The following CA4 variants were observed in gnomAD, a reference collection of about 807,000 sequenced individuals.
CA4 encodes carbonic anhydrase 4, also known as CA-IV.
A neutral mutation model predicts 34.5 loss-of-function variants in CA4; 24 were observed. The observed-to-expected ratio is 0.70, with a 90% CI of 0.50 to 0.98. The LOEUF is 0.98. Among genes scored for constraint, CA4 ranks in the 50% least tolerant of loss-of-function variants. The probability of loss-of-function intolerance (pLI) is 0.00; values close to 1 mark genes in which losing one functional copy is unlikely to be tolerated. For synonymous variants in CA4, 178 were observed against 170.6 expected (o/e 1.04, Z -0.34); for missense variants, 394 against 396.7 (o/e 0.99, Z 0.06).
At chr17:60,178,486 A>C in the CA4 span, among the ~76,000 whole-genome samples, 1 of 152,190 alleles carries the variant, frequency 6.6e-6, no homozygotes, top group African/African-American at 2.4e-5. Context: ...TCCTAAATGT[A>C]AGATGCCTCC....
intron 7 of CA4, chr17:60,158,819 A>T: frequency 2.4e-6 from 1 of 410,592 alleles, no homozygotes; most frequent in South Asian, 2.4e-5. Context: ...CAACATCATC[A>T]CTGGGGGAAT....
At chr17:60,176,305 T>C in the CA4 span, among the ~76,000 whole-genome samples, 1 of 152,188 alleles carries the variant, frequency 6.6e-6, no homozygotes. Context: ...TGCCAGGCAT[T>C]TGTGTCCTTC....
intron 2 of CA4, among the ~76,000 whole-genome samples, chr17:60,155,725 G>T (rs562067083): frequency 6.6e-6 from 1 of 152,020 alleles, no homozygotes; most frequent in Non-Finnish European, 1.5e-5. Context: ...GGTGCTCAGG[G>T]ACCAGGGAGC....
rs748580097 is a variant in CA4, at chr17:60,159,325, G to A, written c.840G>A (p.Thr280=). The A allele has an allele frequency of 1.2e-5, 20 of 1,609,476 alleles. No individual in the cohort carries two copies. Among genetic ancestry groups the A allele is most frequent in the African/African-American group, 4.0e-5 (3 of 74,812 alleles). The part of the protein sequence containing the change: ...VRPLQQLGQR[T]VIKSGAPGRP... Reference sequence around the variant, plus strand: ...CCCTGCAGCAGCTGGGGCAGCGCACGGTGATAAAGTCCGGGGCCCCGGGTC... The same window carrying A: ...CCCTGCAGCAGCTGGGGCAGCGCACAGTGATAAAGTCCGGGGCCCCGGGTC... The change falls in exon 8 of 8, where the codon ACG becomes ACA. Residue 280 remains threonine (T), a synonymous_variant. Coordinates refer to ENST00000300900, the MANE Select transcript of CA4 (RefSeq NM_000717.5).
chr17:60,167,341 C>T (rs1233346029), intron 5 of CA4, among the ~76,000 whole-genome samples: 3 of 152,224 alleles, frequency 2.0e-5, no homozygotes, highest in Non-Finnish European at 2.9e-5. Context: ...CTTGCTTCCT[C>T]TTGTGAAGTC....
intron 1 of CA4, among the ~76,000 whole-genome samples, chr17:60,150,319 G>T (rs564396977): frequency 6.6e-6 from 1 of 152,338 alleles, no homozygotes; most frequent in South Asian, 2.1e-4. Context: ...GTGTGCACGG[G>T]TGTGCGCGGT....
At chr17:60,164,281 C>G (rs2083831340), downstream of CA4, among the ~76,000 whole-genome samples, 1 of 148,168 alleles carries the variant, frequency 6.7e-6, no homozygotes, top group Admixed American at 6.8e-5. Context: ...CCCTCCCTCC[C>G]TCCTTTCTTT....
At chr17:60,157,660 G>A in intron 4 of CA4, 30 bp from the exon 5 acceptor site, 1 of 1,612,020 alleles carries the variant, frequency 6.2e-7, no homozygotes, top group Non-Finnish European at 8.5e-7. Context: ...CCCTTCATAG[G>A]TCCCCTTTTC....
intron 5 of CA4, among the ~76,000 whole-genome samples, chr17:60,166,064 G>A (rs1459794780): frequency 6.6e-6 from 1 of 152,072 alleles, no homozygotes; most frequent in African/African-American, 2.4e-5. Context: ...TCCTCCTCCC[G>A]GTCACCTCCC....
At chr17:60,156,736 A>T (rs1365023754) in intron 3 of CA4, 21 bp downstream of exon 3, 7 of 1,611,288 alleles carry the variant, frequency 4.3e-6, no homozygotes, top group Non-Finnish European at 5.9e-6. Flanking sequence ...TGGAGGCCCC[A>T]GGCAGGCCTG....
At chr17:60,155,535 TCTCTCACA>T (rs1289152057) in intron 2 of CA4, among the ~76,000 whole-genome samples, 168 bp downstream of exon 2, 1 of 129,536 alleles carries the variant, frequency 7.7e-6, no homozygotes, top group African/African-American at 4.4e-5. Flanking sequence ...TCTCTCTCTC[TCTCTCACA>T]CACACACACA....
At chr17:60,157,952 C>A (rs1384493662) in intron 5 of CA4, 109 bp from the exon 6 acceptor site, 1 of 1,559,980 alleles carries the variant, frequency 6.4e-7, no homozygotes, top group African/African-American at 1.4e-5. Context: ...GAGCCCAGAG[C>A]CTCAATCCCA....
intron 1 of CA4, among the ~76,000 whole-genome samples, chr17:60,153,614 C>A (rs567128570): frequency 3.9e-5 from 6 of 152,216 alleles, no homozygotes; most frequent in African/African-American, 7.2e-5. Context: ...GGGTCTGGAT[C>A]GGGACCCCTT....
chr17:60,161,016 G>T (rs2083782620), downstream of CA4, among the ~76,000 whole-genome samples: 2 of 151,956 alleles, frequency 1.3e-5, no homozygotes, highest in African/African-American at 4.8e-5. Context: ...AGAACGCAGG[G>T]ACAGTTCAGG....
intron 5 of CA4, among the ~76,000 whole-genome samples, chr17:60,165,810 T>C (rs1180834498): frequency 2.6e-5 from 4 of 151,966 alleles, no homozygotes; most frequent in African/African-American, 7.2e-5. Flanking sequence ...TACATCTGAA[T>C]GTCAGATAAA....
intron 7 of CA4, chr17:60,159,002 G>A (rs2083747174): frequency 1.7e-6 from 1 of 596,312 alleles, no homozygotes; most frequent in Admixed American, 2.9e-5. Flanking sequence ...GGGCCCCCTG[G>A]GGTGTGAGTG....
At position 60,157,415 on chromosome 17, in the gene CA4, C is replaced by CT. The variant is rs1567730679; in HGVS notation, c.269-11dup. Reference sequence around the variant, plus strand: ...GGCTGGTTCGAGGACTCTGCCCCTTCTGTGCTCCCAGTGATGATGTTGCTG... The same window carrying CT: ...GGCTGGTTCGAGGACTCTGCCCCTTCTTGTGCTCCCAGTGATGATGTTGCTG... On this transcript the variant is annotated splice_polypyrimidine_tract_variant and intron_variant, in intron 3 of 7. Coordinates refer to ENST00000300900, the MANE Select transcript of CA4 (RefSeq NM_000717.5). 6.2e-7 allele frequency: 1 copy of CT among 1,614,170 alleles called. No individual in the cohort carries two copies. Among genetic ancestry groups the CT allele is most frequent in the African/African-American group, 1.3e-5 (1 of 75,066 alleles).
chr17:60,173,162 A>C (rs1371489848), downstream of CA4, among the ~76,000 whole-genome samples: 1 of 152,192 alleles, frequency 6.6e-6, no homozygotes, highest in Admixed American at 6.6e-5. Context: ...ACAAACAAAC[A>C]AACAAAAAAA....
downstream of CA4, among the ~76,000 whole-genome samples, chr17:60,161,660 G>A (rs1298399424): frequency 2.0e-5 from 3 of 150,868 alleles, no homozygotes; most frequent in Non-Finnish European, 4.4e-5. Context: ...AGAGACGGCT[G>A]CTCCCCTCCC....
Sources: allele counts gnomAD v4.1 joint callset (sites outside exome capture counted in the v4.1 genomes callset), GRCh38; gene constraint gnomAD v4.1.1; transcripts MANE v1.5; gene names NCBI Gene and HGNC (gene_info 2026-07-23, HGNC 2026-07-21).